Variants in NBAS observed in about 807,000 individuals in gnomAD.
The protein encoded by NBAS is NAG/BC035112 fusion.
Under a neutral mutation model 302.5 loss-of-function variants are expected in NBAS, and 219 were observed. The observed-to-expected ratio is 0.72, with a 90% confidence interval of 0.65 to 0.81. The LOEUF is 0.81. Ranked by LOEUF, NBAS falls within the 30% of genes least tolerant of loss-of-function variation. The probability of loss-of-function intolerance (pLI) is 0.00; values close to 1 mark genes in which losing one functional copy is unlikely to be tolerated. For synonymous variants in NBAS, 1,118 were observed against 1,021.6 expected, an observed-to-expected ratio of 1.09 and a Z score of -1.80; for missense variants, 2,932 against 2,841.6, an observed-to-expected ratio of 1.03 and a Z score of -0.72.
intron 44 of NBAS, among the ~76,000 whole-genome samples, chr2:15,264,653 T>C (rs1458139492): frequency 6.6e-6 from 1 of 152,200 alleles, no homozygotes; most frequent in East Asian, 1.9e-4. Context: ...CGTATGTGAA[T>C]CCTGACTTTG....
chr2:15,190,307 C>A lies in NBAS; in HGVS notation c.6529G>T (p.Val2177Phe), dbSNP rs758372631. Residue 2177 changes from valine to phenylalanine, a missense_variant, in exon 49 of 52, where the codon GTT (valine) becomes TTT (phenylalanine). Physicochemically the swap from Val to Phe is conservative, Grantham distance 50. Coordinates refer to ENST00000281513, the MANE Select transcript of NBAS (RefSeq NM_015909.4). ...SHHEAEFQHL[V>F]LLLQAWPPMK... is the part of the protein sequence containing the mutation. ...GGTGGCCAAGCTTGCAAAAGTAAAA[C>A]CAAGTGCTGAAATTCAGCCTCGTGG... 79 of 1,613,944 alleles carry A rather than the reference C, an allele frequency of 4.9e-5. 1 individual carries two copies. The Middle Eastern group carries it at 8.3e-4, about 17-fold the overall frequency.
intron 24 of NBAS, among the ~76,000 whole-genome samples, chr2:15,416,392 A>G (rs185246793): frequency 7.4e-4 from 113 of 152,338 alleles, no homozygotes; most frequent in Non-Finnish European, 1.2e-3. Context: ...ATCCCCCAAA[A>G]GATACACCTA....
the NBAS span, among the ~76,000 whole-genome samples, chr2:15,049,961 C>T: frequency 6.6e-6 from 1 of 152,200 alleles, no homozygotes; most frequent in South Asian, 2.1e-4. Flanking sequence ...TGGCTGCCCT[C>T]GGCCATGCAG....
chr2:15,092,334 C>G, the NBAS span, among the ~76,000 whole-genome samples: 6 of 152,252 alleles, frequency 3.9e-5, 1 homozygote, highest in South Asian at 1.2e-3. Context: ...AAGATGGTTT[C>G]AAGAGCCCAG....
chr2:14,932,464 C>G, the NBAS span, among the ~76,000 whole-genome samples: 1 of 152,224 alleles, frequency 6.6e-6, no homozygotes, highest in East Asian at 1.9e-4. Context: ...GGCACACAGC[C>G]AGCTGATGAC....
the NBAS span, among the ~76,000 whole-genome samples, chr2:15,039,599 C>G: frequency 6.6e-6 from 1 of 152,114 alleles, no homozygotes. Context: ...TTTGGGGGAG[C>G]TAACAGAAGG....
chr2:15,105,996 TG>T, the NBAS span, among the ~76,000 whole-genome samples: 1 of 152,176 alleles, frequency 6.6e-6, no homozygotes, highest in Admixed American at 6.5e-5. Flanking sequence ...GCTATTACAG[TG>T]GCACTCTTTC....
the NBAS span, among the ~76,000 whole-genome samples, chr2:14,888,151 A>G: frequency 3.3e-5 from 5 of 152,026 alleles, no homozygotes; most frequent in South Asian, 1.0e-3. Flanking sequence ...TATTTTTTGA[A>G]ACGGAGTCTC....
chr2:15,061,865 A>C, the NBAS span, among the ~76,000 whole-genome samples: 1 of 152,242 alleles, frequency 6.6e-6, no homozygotes, highest in East Asian at 1.9e-4. Flanking sequence ...GAAGATAAGC[A>C]AACCTTAAAG....
chr2:15,324,027 T>C (rs541528978), intron 38 of NBAS, among the ~76,000 whole-genome samples: 3 of 151,482 alleles, frequency 2.0e-5, no homozygotes, highest in South Asian at 4.2e-4. Flanking sequence ...TTTGAAAAAA[T>C]TGTGAAATCC....
At chr2:14,788,384 G>A in the NBAS span, among the ~76,000 whole-genome samples, 5 of 152,160 alleles carry the variant, frequency 3.3e-5, no homozygotes, top group African/African-American at 7.2e-5. Flanking sequence ...TCCTTTGGAG[G>A]AGGAGAGGCG....
intron 32 of NBAS, among the ~76,000 whole-genome samples, chr2:15,360,640 ATGACCAGCCTTT>A (rs1351685753): frequency 4.2e-5 from 6 of 143,494 alleles, no homozygotes; most frequent in African/African-American, 1.3e-4. Context: ...CTGAGCCGCC[ATGACCAGCCTTT>A]TTTTTTTTTT....
At chr2:14,851,483 C>A in the NBAS span, among the ~76,000 whole-genome samples, 9 of 146,836 alleles carry the variant, frequency 6.1e-5, no homozygotes, top group East Asian at 1.6e-3. Flanking sequence ...GGATTCACAG[C>A]CGAATTCTAC....
chr2:15,071,342 G>A, the NBAS span, among the ~76,000 whole-genome samples: 1 of 152,114 alleles, frequency 6.6e-6, no homozygotes, highest in Non-Finnish European at 1.5e-5. Flanking sequence ...CCACCACAAA[G>A]GGGCCGGGCG....
chr2:14,915,410 G>T, the NBAS span, among the ~76,000 whole-genome samples: 1 of 152,206 alleles, frequency 6.6e-6, no homozygotes. Flanking sequence ...TAACTGATTT[G>T]GTTTAGCTGC....
At position 15,534,617 on chromosome 2, in the gene NBAS, T is replaced by C. The variant is rs373776001; in HGVS notation, c.672A>G (p.Gln224=). The C allele has an allele frequency of 5.1e-5, 83 of 1,613,688 alleles. No homozygotes were observed. Among genetic ancestry groups the C allele is most frequent in the Non-Finnish European group, 6.5e-5 (77 of 1,179,746 alleles). The part of the protein sequence containing the change: ...LVSVGTNQSY[Q]ESHCFSFSSH... ...TACTGAAGCTGAAACAGTGACTTTC[T>C]TGGTAGCTCTGATTTGTTCCAACAC... The change falls in exon 9 of 52, where the codon CAA becomes CAG. Residue 224 remains glutamine (Q), a synonymous_variant. Transcript: ENST00000281513.
At chr2:15,462,197 A>C (rs1679536246) in intron 19 of NBAS, among the ~76,000 whole-genome samples, 1 of 152,216 alleles carries the variant, frequency 6.6e-6, no homozygotes, top group Non-Finnish European at 1.5e-5. Context: ...TCATTCATTC[A>C]ACAAATATTA....
chr2:15,221,149 G>A (rs1255052147), intron 47 of NBAS, among the ~76,000 whole-genome samples: 4 of 152,110 alleles, frequency 2.6e-5, no homozygotes, highest in Non-Finnish European at 5.9e-5. Context: ...TGAACCTTTT[G>A]CAAGCTGAAT....
At chr2:15,488,120 C>A (rs1265828618) in intron 12 of NBAS, among the ~76,000 whole-genome samples, 25 of 152,108 alleles carry the variant, frequency 1.6e-4, no homozygotes, top group Admixed American at 1.4e-3. Context: ...ATGAAAATCT[C>A]AAACCACCCA....
Sources: gnomAD v4.1 joint callset for allele counts (sites outside exome capture counted in the v4.1 genomes callset) on GRCh38, gnomAD v4.1.1 for gene constraint, MANE v1.5 for transcripts, NCBI Gene and HGNC (gene_info 2026-07-23, HGNC 2026-07-21) for gene names.